PLPP4: variants seen among roughly 807,000 people sequenced by gnomAD.
The protein encoded by PLPP4 is diacylglycerol pyrophosphate like 2.
PLPP4 carries 20 observed loss-of-function variants against 32.2 expected under a neutral mutation model. The observed-to-expected ratio is 0.62, with a 90% CI of 0.44 to 0.90. The LOEUF is 0.90. Ranked by LOEUF, PLPP4 falls within the 40% of genes least tolerant of loss-of-function variation. The pLI, the probability that PLPP4 is intolerant of heterozygous loss-of-function variation, is 0.00. For missense variants in PLPP4, 257 were observed against 353.1 expected (o/e 0.73, Z 2.18); for synonymous variants, 127 against 133.0 (o/e 0.95, Z 0.31).
chr10:120,562,841 G>A (rs548080719), intron 5 of PLPP4, among the ~76,000 whole-genome samples: 47 of 152,016 alleles, frequency 3.1e-4, no homozygotes, highest in Admixed American at 1.4e-3. Flanking sequence ...CTCATTTCTT[G>A]TACCATACCT....
chr10:120,542,959 A>C (rs1564828305), intron 5 of PLPP4, among the ~76,000 whole-genome samples: 1 of 152,240 alleles, frequency 6.6e-6, no homozygotes, highest in East Asian at 1.9e-4. Flanking sequence ...ACGCTGCTCC[A>C]AGAAATGTGT....
chr10:120,471,256 A>G (rs142147598), intron 1 of PLPP4, among the ~76,000 whole-genome samples: 2,547 of 152,258 alleles, frequency 0.017, 35 homozygotes, highest in Non-Finnish European at 0.026. Flanking sequence ...TTTGGAAGTA[A>G]CTAATATTTT....
rs1460976055 is a variant in PLPP4, at chr10:120,582,368, C to T, written c.617-6935C>T. 2.0e-5 allele frequency among the ~76,000 whole-genome samples: 3 copies of T among 152,296 alleles called. No individual in the cohort carries two copies. In the East Asian group the frequency reaches 5.8e-4, roughly 29 times the overall value. On this transcript the variant is annotated intron_variant, in intron 6 of 6. Transcript: ENST00000398250. ...TGCCTCTCTCTTCCCATGGTGTTTT[C>T]TCTGTGTGTCCTCACATCAGCTTCC...
intron 5 of PLPP4, among the ~76,000 whole-genome samples, chr10:120,538,038 CTCTCTCTCTCTCTCTGTGTGTGTG>C (rs1847133121): frequency 2.1e-5 from 1 of 47,998 alleles, no homozygotes; most frequent in African/African-American, 7.0e-5. Flanking sequence ...CTCTCTCTCT[CTCTCTCTCTCTCTCTGTGTGTGTG>C]TGTGTGTGTG....
At chr10:120,494,479 G>A (rs955154018) in intron 1 of PLPP4, among the ~76,000 whole-genome samples, 2 of 152,226 alleles carry the variant, frequency 1.3e-5, no homozygotes, top group Non-Finnish European at 2.9e-5. Flanking sequence ...GTGAGGGCAC[G>A]AGGACATGAC....
rs776317457 is a variant in PLPP4, at chr10:120,568,974, CACGA to C, written c.446-6156_446-6153del. ...TAATCCCCAACCAGGTGCGGTGGCT[CACGA>C]CTGTAATCCTAGCACTTTGGGAGGC... On this transcript the variant is annotated intron_variant, in intron 5 of 6. Coordinates refer to ENST00000398250, the MANE Select transcript of PLPP4 (RefSeq NM_001030059.3). Among the ~76,000 whole-genome samples the C allele has an allele frequency of 6.6e-5, 10 of 152,118 alleles. 1 individual carries two copies. Among genetic ancestry groups the C allele is most frequent in the Admixed American group, 4.6e-4 (7 of 15,266 alleles).
chr10:120,544,584 T>G (rs1847523204), intron 5 of PLPP4, among the ~76,000 whole-genome samples: 1 of 152,104 alleles, frequency 6.6e-6, no homozygotes, highest in Non-Finnish European at 1.5e-5. Context: ...CACTCTTCCC[T>G]CTTCCACCTC....
intron 3 of PLPP4, among the ~76,000 whole-genome samples, chr10:120,515,946 C>A (rs1845918656): frequency 6.6e-6 from 1 of 152,178 alleles, no homozygotes; most frequent in South Asian, 2.1e-4. Flanking sequence ...CTCACAGTTG[C>A]CTTCTCCAGA....
At chr10:120,530,536 A>G (rs1451855396) in intron 5 of PLPP4, among the ~76,000 whole-genome samples, 1 of 152,126 alleles carries the variant, frequency 6.6e-6, no homozygotes, top group East Asian at 1.9e-4. Flanking sequence ...AGTATCACAC[A>G]CGTTCTTTAT....
At chr10:120,476,449 G>A (rs372233087) in intron 1 of PLPP4, among the ~76,000 whole-genome samples, 1 of 152,138 alleles carries the variant, frequency 6.6e-6, no homozygotes, top group African/African-American at 2.4e-5. Flanking sequence ...ACTGATGCTC[G>A]GGGAAGGAAG....
chr10:120,574,532 A>T (rs1849121196), intron 5 of PLPP4, among the ~76,000 whole-genome samples: 1 of 152,186 alleles, frequency 6.6e-6, no homozygotes, highest in Admixed American at 6.5e-5. Context: ...AAAACAAGGT[A>T]TTTGTCATCG....
chr10:120,474,087 T>C (rs1295641020), intron 1 of PLPP4, among the ~76,000 whole-genome samples: 1 of 152,204 alleles, frequency 6.6e-6, no homozygotes, highest in Non-Finnish European at 1.5e-5. Context: ...TGGTACTCTT[T>C]GAAGCTCTTC....
intron 5 of PLPP4, among the ~76,000 whole-genome samples, chr10:120,538,810 A>G (rs1230656210): frequency 1.3e-5 from 2 of 152,152 alleles, no homozygotes; most frequent in Non-Finnish European, 2.9e-5. Flanking sequence ...TTAATCCTCA[A>G]AATCTCTGAG....
intron 5 of PLPP4, among the ~76,000 whole-genome samples, chr10:120,534,487 C>T (rs370690238): frequency 1.4e-4 from 21 of 152,080 alleles, no homozygotes; most frequent in African/African-American, 3.6e-4. Context: ...TGTTTATCAT[C>T]GAATTTAGGA....
intron 1 of PLPP4, among the ~76,000 whole-genome samples, chr10:120,497,712 C>A (rs1264040919): frequency 6.6e-6 from 1 of 152,052 alleles, no homozygotes; most frequent in Admixed American, 6.5e-5. Context: ...ACTGCCCCCA[C>A]TTTGCCCAGG....
At chr10:120,476,694 A>G (rs1021901610) in intron 1 of PLPP4, among the ~76,000 whole-genome samples, 14 of 152,202 alleles carry the variant, frequency 9.2e-5, no homozygotes, top group African/African-American at 3.4e-4. Context: ...GTGGGACTAA[A>G]TGCTGCCTCT....
intron 1 of PLPP4, among the ~76,000 whole-genome samples, chr10:120,475,622 C>T (rs894928932): frequency 4.6e-5 from 7 of 152,204 alleles, no homozygotes; most frequent in Non-Finnish European, 8.8e-5. Context: ...GAGAACAACA[C>T]GAGATGATGA....
Position 120,520,770 on chromosome 10 carries a change from G to A in PLPP4, c.321-201G>A, listed in dbSNP as rs756528223. Among the ~76,000 whole-genome samples, 7 of 151,952 alleles carry A rather than the reference G, an allele frequency of 4.6e-5. No individual in the cohort carries two copies. In the South Asian group the frequency reaches 6.2e-4, roughly 14 times the overall value. On this transcript the variant is annotated intron_variant, in intron 4 of 6. Transcript: ENST00000398250. The stretch of plus-strand genomic sequence containing the variant: ...AAGTGAGTAAGTGGTACATGGGAGC[G>A]CCAACTCAGATTTCTCTGACACCAA...
intron 5 of PLPP4, among the ~76,000 whole-genome samples, chr10:120,564,761 CATT>C (rs1848608974): frequency 6.6e-6 from 1 of 151,878 alleles, no homozygotes; most frequent in South Asian, 2.1e-4. Context: ...GACAATCAAA[CATT>C]AATATTTATA....
Sources: allele counts gnomAD v4.1 joint callset (sites outside exome capture counted in the v4.1 genomes callset), GRCh38; gene constraint gnomAD v4.1.1; transcripts MANE v1.5; gene names NCBI Gene and HGNC (gene_info 2026-07-23, HGNC 2026-07-21).